The following DERL1 variants were observed in gnomAD, a reference collection of about 807,000 sequenced individuals.
The protein encoded by DERL1 is derlin-1.
Under a neutral mutation model 41.6 loss-of-function variants are expected in DERL1, and 24 were observed. The observed-to-expected ratio is 0.58, with a 90% CI of 0.42 to 0.81. The LOEUF is 0.81. Among genes scored for constraint, DERL1 ranks in the 30% least tolerant of loss-of-function variants. The pLI is 0.00. For synonymous variants in DERL1, 124 were observed against 112.5 expected (o/e 1.10, Z -0.65); for missense variants, 260 against 314.3 (o/e 0.83, Z 1.31).
chr8:123,022,703 C>T lies in DERL1; in HGVS notation c.434G>A (p.Trp145Ter). 1 of 1,614,040 alleles carries T rather than the reference C, an allele frequency of 6.2e-7. No individual in the cohort carries two copies. Among genetic ancestry groups the T allele is most frequent in the Non-Finnish European group, 8.5e-7 (1 of 1,179,950 alleles). ...QLNRDMIVSF[W>*]FGTRFKACYL... is the part of the protein sequence containing the mutation. ...AAGTACCTTAAATCGTGTTCCAAAC[C>T]AAAATGATACAATCATGTCTCTGTT... Residue 145 changes from tryptophan (W) to a stop codon, truncating the protein, a stop_gained, in exon 5 of 8, where the codon TGG (tryptophan) becomes TAG (stop). Coordinates refer to ENST00000259512, the MANE Select transcript of DERL1 (RefSeq NM_024295.6). LOFTEE classifies it high-confidence loss of function.
At chr8:123,032,531 T>C (rs945775946) in intron 1 of DERL1, among the ~76,000 whole-genome samples, 1 of 152,252 alleles carries the variant, frequency 6.6e-6, no homozygotes, top group African/African-American at 2.4e-5. Flanking sequence ...TATTTTGACA[T>C]ACAAAAGTTT....
At chr8:123,015,669 C>A in intron 7 of DERL1, 84 bp from the exon 8 acceptor site, 1 of 1,476,530 alleles carries the variant, frequency 6.8e-7, no homozygotes. Context: ...AGAACACCTC[C>A]CTCTCCTGCT....
chr8:123,030,500 A>G (rs546235576), intron 2 of DERL1, 105 bp downstream of exon 2: 2 of 757,592 alleles, frequency 2.6e-6, no homozygotes, highest in Non-Finnish European at 4.3e-6. Flanking sequence ...ATCTTTATGC[A>G]GTTTCTTTTT....
Position 123,014,014 on chromosome 8 carries a change from G to C in DERL1, c.*1433C>G, listed in dbSNP as rs575461623. 6.6e-5 allele frequency: 10 copies of C among 152,200 alleles called. No individual in the cohort carries two copies. Among genetic ancestry groups the C allele is most frequent in the Non-Finnish European group, 1.5e-4 (10 of 68,032 alleles). 9.4% of individuals were successfully genotyped at this position (152,200 alleles called of 1,614,324 possible). A position where few individuals can be genotyped will look rare whatever the true frequency, so the allele number is the denominator to read the frequency against. On this transcript the variant is annotated 3_prime_UTR_variant, in exon 8 of 8. Coordinates refer to ENST00000259512, the MANE Select transcript of DERL1 (RefSeq NM_024295.6). Reference sequence around the variant, plus strand: ...AATAGTCATACTGTTAGAGCACAATGTTTCCTGAAAAGAAACTGATCAAAA... The same window carrying C: ...AATAGTCATACTGTTAGAGCACAATCTTTCCTGAAAAGAAACTGATCAAAA...
intron 1 of DERL1, among the ~76,000 whole-genome samples, chr8:123,037,268 T>C (rs1432235877): frequency 6.6e-6 from 1 of 152,200 alleles, no homozygotes; most frequent in Non-Finnish European, 1.5e-5. Context: ...AGGCAAGAAG[T>C]AGATAACATA....
chr8:123,013,671 G>A lies in DERL1; in HGVS notation c.*1776C>T, dbSNP rs1814475804. ...ATGACTGCTCGCAGGCAGCTGACTG[G>A]TAAGAGGGTACACCAGAGACTCCGG... On this transcript the variant is annotated 3_prime_UTR_variant, in exon 8 of 8. Transcript: ENST00000259512. 6.6e-6 allele frequency: 1 copy of A among 152,172 alleles called. No homozygotes were observed. Among genetic ancestry groups the A allele is most frequent in the Non-Finnish European group, 1.5e-5 (1 of 68,044 alleles). 9.4% of individuals were successfully genotyped at this position (152,172 alleles called of 1,614,324 possible).
rs1238319265 is a variant in DERL1 at position 123,042,169 on chromosome 8, G to T, written c.-47C>A. ...GATGCACAAGACCGCCCGACTCCCC[G>T]TGCCGACCCCCTCACGACGCGGCCG... On this transcript the variant is annotated 5_prime_UTR_variant, in exon 1 of 8. Transcript: ENST00000259512. 7 of 1,536,190 alleles carry T rather than the reference G, an allele frequency of 4.6e-6. No individual in the cohort carries two copies. The African/African-American group carries it at 6.9e-5, about 15-fold the overall frequency.
intron 1 of DERL1, among the ~76,000 whole-genome samples, chr8:123,038,772 G>A (rs1812985555): frequency 6.6e-6 from 1 of 152,096 alleles, no homozygotes; most frequent in African/African-American, 2.4e-5. Flanking sequence ...AGCCACCAGG[G>A]ACAAAGTACA....
At chr8:123,022,339 T>C (rs919831786) in intron 5 of DERL1, among the ~76,000 whole-genome samples, 4 of 152,174 alleles carry the variant, frequency 2.6e-5, no homozygotes, top group Admixed American at 6.5e-5. Flanking sequence ...TCAGCTACAG[T>C]ATAAAGCAAA....
chr8:123,034,832 T>C (rs2130491547), intron 1 of DERL1, among the ~76,000 whole-genome samples: 2 of 152,294 alleles, frequency 1.3e-5, no homozygotes, highest in East Asian at 3.9e-4. Context: ...CCCTGGACCC[T>C]TGGAAAAGTA....
rs887581744 is a variant in DERL1, at chr8:123,015,269, G to A, written c.*178C>T. On this transcript the variant is annotated 3_prime_UTR_variant, in exon 8 of 8. Transcript: ENST00000259512. Reference sequence around the variant, plus strand: ...AGCAGTAAGGACTTGAATGAGAATCGTGAAACTTGTGGAACACTTATATTT... The same window carrying A: ...AGCAGTAAGGACTTGAATGAGAATCATGAAACTTGTGGAACACTTATATTT... The A allele has an allele frequency of 5.0e-5, 43 of 867,236 alleles. No individual in the cohort carries two copies. Among genetic ancestry groups the A allele is most frequent in the Middle Eastern group, 3.7e-4 (1 of 2,734 alleles). 53.7% of individuals were successfully genotyped at this position (867,236 alleles called of 1,614,324 possible).
intron 3 of DERL1, 40 bp downstream of exon 3, chr8:123,024,946 C>A: frequency 1.3e-6 from 2 of 1,596,952 alleles, no homozygotes; most frequent in Non-Finnish European, 1.7e-6. Flanking sequence ...TGGAAAAAAA[C>A]TGGTTTATTT....
At position 123,015,423 on chromosome 8, in the gene DERL1, G is replaced by A. The variant is rs376096668; in HGVS notation, c.*24C>T. 2 of 1,609,128 alleles carry A rather than the reference G, an allele frequency of 1.2e-6. No homozygotes were observed. The highest frequency in any genetic ancestry group is 2.2e-5 in the East Asian group (1 of 44,800). ...ACTGGGAGGAAATGTGGCTTGAGAG[G>A]AGCGGCTGCCCGAGGCCGCCCCTTC... is the stretch of plus-strand genomic sequence containing the variant. On this transcript the variant is annotated 3_prime_UTR_variant, in exon 8 of 8. Transcript: ENST00000259512.
intron 7 of DERL1, chr8:123,015,863 T>C: frequency 3.4e-6 from 1 of 292,732 alleles, no homozygotes; most frequent in African/African-American, 2.2e-5. Flanking sequence ...AAGTAATCCA[T>C]GCAGAACAGT....
chr8:123,022,579 C>T (rs1812589181), intron 5 of DERL1, 105 bp downstream of exon 5: 1 of 1,077,006 alleles, frequency 9.3e-7, no homozygotes, highest in African/African-American at 1.6e-5. Context: ...TGGTACACTG[C>T]TCTGCAGTGA....
chr8:123,042,144 G>A lies in DERL1; in HGVS notation c.-22C>T. The A allele has an allele frequency of 6.3e-7, 1 of 1,593,406 alleles. No individual in the cohort carries two copies. Among genetic ancestry groups the A allele is most frequent in the Non-Finnish European group, 8.6e-7 (1 of 1,167,028 alleles). ...ACATCTTCGACCCACAGGTAGCCAA[G>A]ATGCACAAGACCGCCCGACTCCCCG... On this transcript the variant is annotated 5_prime_UTR_variant, in exon 1 of 8. Transcript: ENST00000259512.
At position 123,015,252 on chromosome 8, in the gene DERL1, G is replaced by T; in HGVS notation, c.*195C>A. ...TGGTATTTGTTCTTCACAGCAGTAAGGACTTGAATGAGAATCGTGAAACTT... is the reference window on the plus strand; with the variant it reads ...TGGTATTTGTTCTTCACAGCAGTAATGACTTGAATGAGAATCGTGAAACTT... On this transcript the variant is annotated 3_prime_UTR_variant, in exon 8 of 8. Coordinates refer to ENST00000259512, the MANE Select transcript of DERL1 (RefSeq NM_024295.6). 1 of 735,210 alleles carries T rather than the reference G, an allele frequency of 1.4e-6. No homozygotes were observed. The highest frequency in any genetic ancestry group is 2.1e-6 in the Non-Finnish European group (1 of 484,612). 45.5% of individuals were successfully genotyped at this position (735,210 alleles called of 1,614,324 possible).
At chr8:123,025,120 C>T in intron 2 of DERL1, 70 bp from the exon 3 acceptor site, 2 of 1,502,764 alleles carry the variant, frequency 1.3e-6, no homozygotes, top group Non-Finnish European at 9.0e-7. Context: ...CATAGAGAAA[C>T]ACTTCAAAAA....
At chr8:123,017,267 T>A (rs1404761291) in intron 7 of DERL1, 1 of 152,198 alleles carries the variant, frequency 6.6e-6, no homozygotes, top group African/African-American at 2.4e-5. Flanking sequence ...TATACTCACC[T>A]CCTCCATTTT....
Sources: gnomAD v4.1 joint callset for allele counts (sites outside exome capture counted in the v4.1 genomes callset) on GRCh38, gnomAD v4.1.1 for gene constraint, MANE v1.5 for transcripts, NCBI Gene and HGNC (gene_info 2026-07-23, HGNC 2026-07-21) for gene names.